The following TRPS1 variants were observed in gnomAD, a reference collection of about 807,000 sequenced individuals.
The protein encoded by TRPS1 is zinc finger transcription factor Trps1.
Under a neutral mutation model 101.2 loss-of-function variants are expected in TRPS1, and 6 were observed. That is an observed-to-expected ratio of 0.06 (90% CI 0.03 to 0.12). TRPS1 has a LOEUF of 0.12. Ranked by LOEUF, TRPS1 falls within the 10% of genes least tolerant of loss-of-function variation. The pLI is 1.00. For synonymous variants in TRPS1, 578 were observed against 589.8 expected (o/e 0.98, Z 0.29); for missense variants, 1,363 against 1,567.0 (o/e 0.87, Z 2.20).
intron 1 of TRPS1, among the ~76,000 whole-genome samples, chr8:115,660,545 A>G (rs1282085854): frequency 1.3e-5 from 2 of 151,882 alleles, no homozygotes; most frequent in African/African-American, 2.4e-5. Context: ...ACTACTCACT[A>G]TCATGAATAC....
chr8:115,518,096 C>CT (rs376732890), intron 5 of TRPS1, among the ~76,000 whole-genome samples: 151,626 of 151,626 alleles, frequency 1, 75,813 homozygotes, highest in Non-Finnish European at 1. Flanking sequence ...CTACACAATT[C>CT]TGGTAGTAAA....
intron 5 of TRPS1, among the ~76,000 whole-genome samples, chr8:115,532,580 G>A (rs1482655180): frequency 6.6e-6 from 1 of 152,122 alleles, no homozygotes; most frequent in African/African-American, 2.4e-5. Flanking sequence ...CTAATAGTAG[G>A]CCCAATGAGA....
intron 5 of TRPS1, among the ~76,000 whole-genome samples, chr8:115,452,225 G>C (rs945163895): frequency 6.6e-6 from 1 of 152,104 alleles, no homozygotes; most frequent in African/African-American, 2.4e-5. Flanking sequence ...TAGTAATAAA[G>C]TGCTAAGCAG....
At position 115,620,227 on chromosome 8, in the gene TRPS1, AAAAC is replaced by A. The variant is rs1338110998; in HGVS notation, c.38-171_38-168del. Among the ~76,000 whole-genome samples the A allele has an allele frequency of 2.6e-5, 4 of 152,008 alleles. 1 individual carries two copies. The highest frequency in any genetic ancestry group is 4.1e-4 in the South Asian group (2 of 4,830). On this transcript the variant is annotated intron_variant, in intron 2 of 6. Transcript: ENST00000395715. The stretch of plus-strand genomic sequence containing the variant: ...CTAAAAACAGCAAAAAGTTGAGACT[AAAAC>A]AAACAATTTACATTTAGAATTACTT...
chr8:115,632,598 G>A (rs1818672109), intron 1 of TRPS1, among the ~76,000 whole-genome samples: 2 of 152,030 alleles, frequency 1.3e-5, no homozygotes, highest in African/African-American at 4.8e-5. Flanking sequence ...TAAAGTTGTG[G>A]CATATGATTA....
chr8:115,409,951 A>G lies in TRPS1; in HGVS notation c.*4072T>C, dbSNP rs906044182. On this transcript the variant is annotated 3_prime_UTR_variant, in exon 7 of 7. Coordinates refer to ENST00000395715, the MANE Select transcript of TRPS1 (RefSeq NM_014112.5). ...TTTTTTTGCCATGGCTCTCAAACCA[A>G]AGACAGTAGCTAAAGTTGACCTCCT... 2 of 150,970 alleles carry G rather than the reference A, an allele frequency of 1.3e-5. No individual in the cohort carries two copies. The highest frequency in any genetic ancestry group is 4.9e-5 in the African/African-American group (2 of 40,810). 9.4% of individuals were successfully genotyped at this position (150,970 alleles called of 1,614,324 possible).
intron 5 of TRPS1, among the ~76,000 whole-genome samples, chr8:115,548,014 G>C (rs2130328642): frequency 6.6e-6 from 1 of 151,912 alleles, no homozygotes; most frequent in East Asian, 1.9e-4. Context: ...AGAACTGCTT[G>C]GGGTCAGGAG....
chr8:115,600,594 C>G (rs1817886181), intron 4 of TRPS1, among the ~76,000 whole-genome samples: 1 of 152,128 alleles, frequency 6.6e-6, no homozygotes, highest in South Asian at 2.1e-4. Context: ...AGTGTAACCT[C>G]ACATTCCAAG....
At chr8:115,646,579 G>GC (rs954147787) in intron 1 of TRPS1, among the ~76,000 whole-genome samples, 6 of 152,130 alleles carry the variant, frequency 3.9e-5, no homozygotes, top group African/African-American at 1.4e-4. Flanking sequence ...TAATAAGTAT[G>GC]CCCCCCATAC....
chr8:115,656,351 A>G (rs1811676248), intron 1 of TRPS1, among the ~76,000 whole-genome samples: 1 of 152,160 alleles, frequency 6.6e-6, no homozygotes, highest in African/African-American at 2.4e-5. Flanking sequence ...TCTTTACATT[A>G]AAATATGTCA....
chr8:115,428,720 C>T (rs181110944), intron 5 of TRPS1, among the ~76,000 whole-genome samples: 4 of 151,888 alleles, frequency 2.6e-5, no homozygotes, highest in East Asian at 1.9e-4. Flanking sequence ...TTTAGAAACA[C>T]GGGGAATGGG....
At position 115,619,943 on chromosome 8, in the gene TRPS1, G is replaced by A. The variant is rs749589478; in HGVS notation, c.155C>T (p.Ala52Val). ...ATCCGTATTTTCTGACATCTGATCT[G>A]CAGAAAATTCTTTGTTCTTTCCAGA... ...KVSGKNKEFS[A>V]DQMSENTDQS... The change falls in exon 3 of 7, where the codon GCA (alanine) becomes GTA (valine). Residue 52 changes from alanine to valine, a missense_variant. Physicochemically the swap from Ala to Val is moderately conservative, Grantham distance 64. Coordinates refer to ENST00000395715, the MANE Select transcript of TRPS1 (RefSeq NM_014112.5). 2 of 1,614,162 alleles carry A rather than the reference G, an allele frequency of 1.2e-6. No homozygotes were observed.
chr8:115,639,243 T>C (rs1388735852), intron 1 of TRPS1, among the ~76,000 whole-genome samples: 1 of 152,080 alleles, frequency 6.6e-6, no homozygotes, highest in Non-Finnish European at 1.5e-5. Context: ...GAATTTTATA[T>C]ATTTTTGTAG....
At chr8:115,506,271 A>G (rs1815441155) in intron 5 of TRPS1, among the ~76,000 whole-genome samples, 1 of 152,020 alleles carries the variant, frequency 6.6e-6, no homozygotes, top group African/African-American at 2.4e-5. Flanking sequence ...CATGGGGGTG[A>G]CTTTTCATAT....
chr8:115,546,885 A>G (rs917676365), intron 5 of TRPS1, among the ~76,000 whole-genome samples: 4 of 152,188 alleles, frequency 2.6e-5, no homozygotes, highest in Non-Finnish European at 4.4e-5. Flanking sequence ...ACAAGTACGG[A>G]CAAGAGGCAA....
chr8:115,502,689 G>A lies in TRPS1; in HGVS notation c.2701-84237C>T, dbSNP rs1374935772. 3.3e-5 allele frequency among the ~76,000 whole-genome samples: 5 copies of A among 152,002 alleles called. No individual in the cohort carries two copies. In the South Asian group the frequency reaches 6.2e-4, roughly 19 times the overall value. Reference sequence around the variant, plus strand: ...CTAGGGACAATCAGGAAGTGGTGGCGGTGAAACTGTTAAAAATAGCCAGCC... The same window carrying A: ...CTAGGGACAATCAGGAAGTGGTGGCAGTGAAACTGTTAAAAATAGCCAGCC... On this transcript the variant is annotated intron_variant, in intron 5 of 6. Transcript: ENST00000395715.
At chr8:115,591,897 T>C (rs1375704478) in intron 4 of TRPS1, among the ~76,000 whole-genome samples, 1 of 152,180 alleles carries the variant, frequency 6.6e-6, no homozygotes, top group Non-Finnish European at 1.5e-5. Context: ...ATACGGCCCA[T>C]TTCACAGATA....
In TRPS1 at chr8:115,512,838, A is replaced by G. The variant is rs1036460968; in HGVS notation, c.2700+74163T>C. 2.6e-5 allele frequency among the ~76,000 whole-genome samples: 4 copies of G among 151,762 alleles called. No homozygotes were observed. The South Asian group carries it at 8.3e-4, about 31-fold the overall frequency. On this transcript the variant is annotated intron_variant, in intron 5 of 6. Coordinates refer to ENST00000395715, the MANE Select transcript of TRPS1 (RefSeq NM_014112.5). ...TGGGATTAGTTTACTATTGCAGAAA[A>G]GACATATCAATATACATGTGAACTT...
intron 1 of TRPS1, among the ~76,000 whole-genome samples, chr8:115,636,631 T>C (rs1357928906): frequency 6.6e-6 from 1 of 152,134 alleles, no homozygotes; most frequent in Non-Finnish European, 1.5e-5. Flanking sequence ...GTTAAGTACT[T>C]GGCTGGGCGT....
Sources: allele counts gnomAD v4.1 joint callset (sites outside exome capture counted in the v4.1 genomes callset), GRCh38; gene constraint gnomAD v4.1.1; transcripts MANE v1.5; gene names NCBI Gene and HGNC (gene_info 2026-07-23, HGNC 2026-07-21).